The following HTT variants were observed in gnomAD, a reference collection of about 807,000 sequenced individuals.
HTT encodes huntington disease protein.
A neutral mutation model predicts 362.3 loss-of-function variants in HTT; 104 were observed. That is an observed-to-expected ratio of 0.29 (90% CI 0.24 to 0.34). The LOEUF (loss-of-function observed/expected upper bound fraction) is 0.34. Ranked by LOEUF, HTT falls within the 10% of genes least tolerant of loss-of-function variation. The pLI is 1.00. For missense variants in HTT, 3,301 were observed against 3,928.6 expected (o/e 0.84, Z 4.27); for synonymous variants, 1,577 against 1,548.7 (o/e 1.02, Z -0.43).
intron 1 of HTT, among the ~76,000 whole-genome samples, chr4:3,076,523 C>T (rs1408390846): frequency 6.6e-6 from 1 of 152,176 alleles, no homozygotes; most frequent in Non-Finnish European, 1.5e-5. Context: ...GATGGAAAAA[C>T]TTTTTGGATA....
intron 40 of HTT, 62 bp from the exon 41 acceptor site, chr4:3,199,670 G>T: frequency 2.1e-6 from 3 of 1,439,952 alleles, no homozygotes; most frequent in Non-Finnish European, 2.9e-6. Flanking sequence ...AAATCTTCGC[G>T]TAGCCATGTG....
At chr4:3,133,037 C>A (rs768598184) in intron 18 of HTT, 126 bp downstream of exon 18, 1 of 724,254 alleles carries the variant, frequency 1.4e-6, no homozygotes. Context: ...TAATACCCAC[C>A]ATGTATCCAT....
intron 56 of HTT, among the ~76,000 whole-genome samples, chr4:3,224,366 G>A (rs186455717): frequency 3.3e-5 from 5 of 152,324 alleles, no homozygotes; most frequent in African/African-American, 9.6e-5. Flanking sequence ...AATGAGAAGC[G>A]AAAGAATTCT....
In HTT at chr4:3,204,014, A is replaced by G; in HGVS notation, c.5584A>G (p.Ser1862Gly). 6.2e-7 allele frequency: 1 copy of G among 1,614,180 alleles called. No homozygotes were observed. The highest frequency in any genetic ancestry group is 8.5e-7 in the Non-Finnish European group (1 of 1,179,982). Residue 1862 changes from serine to glycine, a missense_variant, in exon 42 of 67, where the codon AGT becomes GGT. Ser to Gly is a moderately conservative substitution (Grantham distance 56). Coordinates refer to ENST00000355072, the MANE Select transcript of HTT (RefSeq NM_001388492.1). ...AEVQQTPKRHSLSSTKLLSPQ... is the reference protein window; with the variant it reads ...AEVQQTPKRHGLSSTKLLSPQ... ...ATCTGTTGCTCCTTCTAGAAGACAC[A>G]GTCTGTCCAGCACAAAGTTACTTAG...
rs1275696320 is a variant in HTT, at chr4:3,236,365, C to G, written c.8891+111C>G. ...CCTGGCGCTGTTGCTGGAGTCCTGCCAGTGATTCCCCACCACAGCCTGACC... is the reference window on the plus strand; with the variant it reads ...CCTGGCGCTGTTGCTGGAGTCCTGCGAGTGATTCCCCACCACAGCCTGACC... On this transcript the variant is annotated intron_variant, in intron 64 of 66. Transcript: ENST00000355072. 3 of 779,454 alleles carry G rather than the reference C, an allele frequency of 3.8e-6. No homozygotes were observed. The African/African-American group carries it at 5.1e-5, about 13-fold the overall frequency. The allele number at this position is 779,454 out of a possible 1,614,324, so 48.3% of individuals were successfully genotyped here. A position where few individuals can be genotyped will look rare whatever the true frequency, so the allele number is the denominator to read the frequency against.
At chr4:3,192,460 T>C (rs945683093) in intron 40 of HTT, among the ~76,000 whole-genome samples, 6 of 152,198 alleles carry the variant, frequency 3.9e-5, no homozygotes, top group Non-Finnish European at 8.8e-5. Flanking sequence ...GGCTGTGTTC[T>C]CAGCCCCTCA....
At position 3,179,391 on chromosome 4, in the gene HTT, G is replaced by T. The variant is rs147665459; in HGVS notation, c.4612+945G>T. Reference sequence around the variant, plus strand: ...TAGGCAACCACACCCAGTACTTTGTGCTGGGAAGCTTGGTCATCTGTGAGA... The same window carrying T: ...TAGGCAACCACACCCAGTACTTTGTTCTGGGAAGCTTGGTCATCTGTGAGA... On this transcript the variant is annotated intron_variant, in intron 35 of 66. Transcript: ENST00000355072. 1.1e-3 allele frequency among the ~76,000 whole-genome samples: 172 copies of T among 152,320 alleles called. 1 individual carries two copies. The highest frequency in any genetic ancestry group is 3.6e-3 in the African/African-American group (149 of 41,562).
intron 1 of HTT, among the ~76,000 whole-genome samples, chr4:3,076,710 C>T (rs1173754834): frequency 6.6e-6 from 1 of 152,184 alleles, no homozygotes; most frequent in African/African-American, 2.4e-5. Flanking sequence ...TGCTGGGCTG[C>T]TTCAGACACT....
At chr4:3,077,666 C>T (rs1046245986) in intron 1 of HTT, among the ~76,000 whole-genome samples, 1 of 152,202 alleles carries the variant, frequency 6.6e-6, no homozygotes, top group Non-Finnish European at 1.5e-5. Context: ...GATCTGTCCA[C>T]CTCGGCCTCC....
At chr4:3,234,479 A>G (rs1347753126) in intron 61 of HTT, among the ~76,000 whole-genome samples, 1 of 152,194 alleles carries the variant, frequency 6.6e-6, no homozygotes, top group African/African-American at 2.4e-5. Flanking sequence ...CAGTGACGTG[A>G]TTTTGGGGGG....
rs1374538332 is a variant in HTT, at chr4:3,107,274, T to G, written c.609-11T>G. 1.2e-6 allele frequency: 2 copies of G among 1,610,368 alleles called. No homozygotes were observed. Among genetic ancestry groups the G allele is most frequent in the Non-Finnish European group, 1.7e-6 (2 of 1,178,684 alleles). ...GCTGGAAGAATGACTTGCGTTCTTT[T>G]GCATACACAGGCCTTACCTGGTGAA... On this transcript the variant is annotated splice_polypyrimidine_tract_variant and intron_variant, in intron 5 of 66. Coordinates refer to ENST00000355072, the MANE Select transcript of HTT (RefSeq NM_001388492.1).
At chr4:3,225,557 C>A in intron 56 of HTT, 104 bp from the exon 57 acceptor site, 1 of 973,782 alleles carries the variant, frequency 1.0e-6, no homozygotes, top group Non-Finnish European at 1.5e-6. Context: ...GGGCAGGTGG[C>A]TCACGGCTGG....
intron 2 of HTT, among the ~76,000 whole-genome samples, chr4:3,088,740 T>G (rs912413039): frequency 3.6e-5 from 5 of 140,074 alleles, no homozygotes; most frequent in African/African-American, 1.2e-4. Context: ...AGGATTTGTG[T>G]TTTTTTTTTG....
chr4:3,184,115 GTGGGAGTGGCATTGTTCAGC>G (rs1445124147), intron 37 of HTT, among the ~76,000 whole-genome samples: 2 of 152,090 alleles, frequency 1.3e-5, no homozygotes, highest in Admixed American at 6.5e-5. Flanking sequence ...GGTGTCTGCG[GTGGGAGTGGCATTGTTCAGC>G]TGGTGATGAG....
At chr4:3,142,598 G>A (rs979848845) in intron 22 of HTT, among the ~76,000 whole-genome samples, 168 bp from the exon 23 acceptor site, 1 of 152,048 alleles carries the variant, frequency 6.6e-6, no homozygotes, top group Non-Finnish European at 1.5e-5. Flanking sequence ...AATAAATTCA[G>A]CCATTGTTAT....
At chr4:3,122,629 C>A (rs972350938) in intron 9 of HTT, among the ~76,000 whole-genome samples, 3 of 152,148 alleles carry the variant, frequency 2.0e-5, no homozygotes, top group African/African-American at 7.2e-5. Flanking sequence ...ATTTCTAATA[C>A]TTTTAATTTG....
At chr4:3,175,652 C>T (rs1380882581) in intron 33 of HTT, among the ~76,000 whole-genome samples, 1 of 152,212 alleles carries the variant, frequency 6.6e-6, no homozygotes, top group Non-Finnish European at 1.5e-5. Context: ...CTCTTGACTG[C>T]ATTACCTTCC....
intron 49 of HTT, among the ~76,000 whole-genome samples, chr4:3,213,215 A>G (rs1380482150): frequency 6.6e-6 from 1 of 152,212 alleles, no homozygotes; most frequent in Non-Finnish European, 1.5e-5. Context: ...CACCAAAGAA[A>G]GGGAGGAGTC....
At chr4:3,098,509 G>A in intron 2 of HTT, among the ~76,000 whole-genome samples, 1 of 152,164 alleles carries the variant, frequency 6.6e-6, no homozygotes. Context: ...TTACTGGTTT[G>A]GATGCTTCTG....
Sources: allele counts gnomAD v4.1 joint callset (sites outside exome capture counted in the v4.1 genomes callset), GRCh38; gene constraint gnomAD v4.1.1; transcripts MANE v1.5; gene names NCBI Gene and HGNC (gene_info 2026-07-23, HGNC 2026-07-21).